Variants in PLPBP observed in about 807,000 individuals in gnomAD.
PLPBP encodes the protein pyridoxal phosphate homeostasis protein.
In PLPBP, 21 loss-of-function variants were observed where a neutral mutation model predicts 31.2. The observed-to-expected ratio is 0.67, with a 90% CI of 0.48 to 0.97. The LOEUF is 0.97. Among genes scored for constraint, PLPBP ranks in the 50% least tolerant of loss-of-function variants. PLPBP has a pLI of 0.00. For synonymous variants in PLPBP, 124 were observed against 135.6 expected (o/e 0.91, Z 0.59); for missense variants, 308 against 354.4 (o/e 0.87, Z 1.05).
Position 37,778,133 on chromosome 8 carries a change from G to T in PLPBP, c.*29G>T, listed in dbSNP as rs1243032411. The T allele has an allele frequency of 5.7e-5, 91 of 1,606,186 alleles. No homozygotes were observed. Among genetic ancestry groups the T allele is most frequent in the Non-Finnish European group, 7.6e-5 (89 of 1,174,986 alleles). On this transcript the variant is annotated 3_prime_UTR_variant, in exon 8 of 8. Coordinates refer to ENST00000328195, the MANE Select transcript of PLPBP (RefSeq NM_007198.4). Reference sequence around the variant, plus strand: ...AGGGAATACTGAGAGCACTAACTATGCACTAACCTAGATTTTCATTTCGAT... The same window carrying T: ...AGGGAATACTGAGAGCACTAACTATTCACTAACCTAGATTTTCATTTCGAT...
intron 4 of PLPBP, among the ~76,000 whole-genome samples, chr8:37,769,302 C>G (rs148781632): frequency 1.3e-3 from 199 of 152,034 alleles, no homozygotes; most frequent in African/African-American, 4.3e-3. Flanking sequence ...TGCCACTGCA[C>G]TCCAGCCTGG....
chr8:37,763,492 GTCTT>G (rs1294177388), intron 1 of PLPBP, among the ~76,000 whole-genome samples: 1 of 152,146 alleles, frequency 6.6e-6, no homozygotes, highest in Non-Finnish European at 1.5e-5. Flanking sequence ...CTGTATTATA[GTCTT>G]TCTTTGACTA....
intron 5 of PLPBP, among the ~76,000 whole-genome samples, chr8:37,773,666 G>A (rs879342424): frequency 3.3e-5 from 5 of 150,246 alleles, no homozygotes; most frequent in Non-Finnish European, 7.4e-5. Context: ...ACGGAGTTTC[G>A]CCATATTGGT....
rs568414778 is a variant in PLPBP, at chr8:37,762,675, A to G, written c.16A>G (p.Ser6Gly). 8.8e-6 allele frequency: 14 copies of G among 1,586,592 alleles called. No individual in the cohort carries two copies. Among genetic ancestry groups the G allele is most frequent in the South Asian group, 6.9e-5 (6 of 87,502 alleles). The change falls in exon 1 of 8, where the codon AGC becomes GGC. Residue 6 changes from serine (S) to glycine (G), a missense_variant. This residue lies in a region of PLPBP where 120 missense variants were observed against 95.1 expected (regional missense o/e 1.26). Coordinates refer to ENST00000328195, the MANE Select transcript of PLPBP (RefSeq NM_007198.4). The part of the protein sequence containing the change: MWRAG[S>G]MSAELGVGCA... The stretch of plus-strand genomic sequence containing the variant: ...TCCCCGGGGGATGTGGAGAGCTGGC[A>G]GCATGTCGGCCGAGCTGGGAGTCGG...
intron 7 of PLPBP, among the ~76,000 whole-genome samples, chr8:37,776,489 A>AAAAAAAAAAAAAAAAAAAAAG: frequency 6.7e-6 from 1 of 149,914 alleles, no homozygotes; most frequent in South Asian, 2.1e-4. Context: ...AAAAAAAAAA[A>AAAAAAAAAAAAAAAAAAAAAG]AAAAAAAAAA....
Position 37,778,249 on chromosome 8 carries a change from T to G in PLPBP, c.*145T>G. The G allele has an allele frequency of 9.7e-7, 1 of 1,030,376 alleles. No individual in the cohort carries two copies. 63.8% of individuals were successfully genotyped at this position (1,030,376 alleles called of 1,614,324 possible). A position where few individuals can be genotyped will look rare whatever the true frequency, so the allele number is the denominator to read the frequency against. On this transcript the variant is annotated 3_prime_UTR_variant, in exon 8 of 8. Coordinates refer to ENST00000328195, the MANE Select transcript of PLPBP (RefSeq NM_007198.4). ...GTTGATGGAAACCATCTGTGCTTAG[T>G]CTCTGACATAGGAAGCTTGCTTCAG...
rs1803974905 is a variant in PLPBP at position 37,778,425 on chromosome 8, A to G, written c.*321A>G. 1 of 170,472 alleles carries G rather than the reference A, an allele frequency of 5.9e-6. No homozygotes were observed. Among genetic ancestry groups the G allele is most frequent in the South Asian group, 1.6e-4 (1 of 6,344 alleles). 10.6% of individuals were successfully genotyped at this position (170,472 alleles called of 1,614,324 possible). A position where few individuals can be genotyped will look rare whatever the true frequency, so the allele number is the denominator to read the frequency against. On this transcript the variant is annotated 3_prime_UTR_variant, in exon 8 of 8. Transcript: ENST00000328195. Reference sequence around the variant, plus strand: ...TTTCCAGGTTAAAATTTGGTCACTGATGCCTATAATCGTGGAAGTCAGAGG... The same window carrying G: ...TTTCCAGGTTAAAATTTGGTCACTGGTGCCTATAATCGTGGAAGTCAGAGG...
intron 3 of PLPBP, among the ~76,000 whole-genome samples, chr8:37,766,061 G>A (rs1047595662): frequency 5.9e-5 from 9 of 152,150 alleles, no homozygotes; most frequent in Non-Finnish European, 8.8e-5. Context: ...TCTGAAAGAT[G>A]GAGGGAATTG....
intron 5 of PLPBP, among the ~76,000 whole-genome samples, chr8:37,773,784 C>T (rs983486277): frequency 6.6e-5 from 10 of 151,910 alleles, no homozygotes; most frequent in Non-Finnish European, 1.0e-4. Context: ...TTGTGTCTTT[C>T]ATCTGGAAAC....
At chr8:37,776,038 T>C in intron 7 of PLPBP, 22 bp downstream of exon 7, 1 of 1,601,494 alleles carries the variant, frequency 6.2e-7, no homozygotes, top group Non-Finnish European at 8.5e-7. Context: ...GCCAGTGCCC[T>C]GTCTGCCTCG....
intron 4 of PLPBP, among the ~76,000 whole-genome samples, chr8:37,770,579 T>C (rs1309415725): frequency 6.6e-6 from 1 of 152,184 alleles, no homozygotes; most frequent in South Asian, 2.1e-4. Flanking sequence ...AAATTTTGTT[T>C]GTTTGTTTGT....
intron 4 of PLPBP, 61 bp downstream of exon 4, chr8:37,766,416 T>C: frequency 6.7e-7 from 1 of 1,502,962 alleles, no homozygotes; most frequent in South Asian, 1.2e-5. Flanking sequence ...TCTACTACCC[T>C]TTGTGGAAGA....
chr8:37,775,539 A>G (rs1276548860), intron 6 of PLPBP, 58 bp downstream of exon 6: 2 of 1,606,696 alleles, frequency 1.2e-6, no homozygotes, highest in African/African-American at 1.3e-5. Context: ...CTGGAGTGCT[A>G]TTGCAGGGCT....
In PLPBP at chr8:37,765,510, C is replaced by G; in HGVS notation, c.100-16C>G. On this transcript the variant is annotated splice_polypyrimidine_tract_variant and intron_variant, in intron 1 of 7. Coordinates refer to ENST00000328195, the MANE Select transcript of PLPBP (RefSeq NM_007198.4). ...TTCCCAAACATTCACTCATATGGCT[C>G]TTTCCCTCTTGGCAGGATCTCCCAG... The G allele has an allele frequency of 6.2e-7, 1 of 1,610,826 alleles. No individual in the cohort carries two copies. Among genetic ancestry groups the G allele is most frequent in the Non-Finnish European group, 8.5e-7 (1 of 1,177,702 alleles).
Position 37,772,823 on chromosome 8 carries a change from T to C in PLPBP, c.388T>C (p.Trp130Arg). The C allele has an allele frequency of 6.2e-7, 1 of 1,614,194 alleles. No homozygotes were observed. Among genetic ancestry groups the C allele is most frequent in the East Asian group, 2.2e-5 (1 of 44,866 alleles). Residue 130 changes from tryptophan (W) to arginine (R), a missense_variant, in exon 5 of 8, where the codon TGG becomes CGG. Around this residue, in one of 2 missense-constraint regions of PLPBP, gnomAD observed 188 missense variants for 259.3 expected, o/e 0.73. Coordinates refer to ENST00000328195, the MANE Select transcript of PLPBP (RefSeq NM_007198.4). ...GTTGGCAGACAAAGTGAACAGTTCC[T>C]GGCAGAGAAAAGGTTCTCCTGAAAG... ...VKLADKVNSS[W>R]QRKGSPERLK...
At position 37,778,230 on chromosome 8, in the gene PLPBP, G is replaced by A. The variant is rs1431733027; in HGVS notation, c.*126G>A. Reference sequence around the variant, plus strand: ...AGCACTAATGATCACGTGTGTTGATGGAAACCATCTGTGCTTAGTCTCTGA... The same window carrying A: ...AGCACTAATGATCACGTGTGTTGATAGAAACCATCTGTGCTTAGTCTCTGA... On this transcript the variant is annotated 3_prime_UTR_variant, in exon 8 of 8. Coordinates refer to ENST00000328195, the MANE Select transcript of PLPBP (RefSeq NM_007198.4). The A allele has an allele frequency of 8.3e-6, 10 of 1,206,144 alleles. No individual in the cohort carries two copies. The highest frequency in any genetic ancestry group is 2.5e-5 in the Admixed American group (1 of 40,556). 74.7% of individuals were successfully genotyped at this position (1,206,144 alleles called of 1,614,324 possible).
rs1803970897 is a variant in PLPBP, at chr8:37,778,244, C to A, written c.*140C>A. 1 of 1,086,160 alleles carries A rather than the reference C, an allele frequency of 9.2e-7. No individual in the cohort carries two copies. Among genetic ancestry groups the A allele is most frequent in the Non-Finnish European group, 1.3e-6 (1 of 785,376 alleles). The allele number at this position is 1,086,160 out of a possible 1,614,324, so 67.3% of individuals were successfully genotyped here. A position where few individuals can be genotyped will look rare whatever the true frequency, so the allele number is the denominator to read the frequency against. On this transcript the variant is annotated 3_prime_UTR_variant, in exon 8 of 8. Coordinates refer to ENST00000328195, the MANE Select transcript of PLPBP (RefSeq NM_007198.4). ...CGTGTGTTGATGGAAACCATCTGTG[C>A]TTAGTCTCTGACATAGGAAGCTTGC... is the stretch of plus-strand genomic sequence containing the variant.
At chr8:37,775,570 A>G (rs1585940301) in intron 6 of PLPBP, 89 bp downstream of exon 6, 13 of 1,547,888 alleles carry the variant, frequency 8.4e-6, no homozygotes, top group Non-Finnish European at 1.1e-5. Flanking sequence ...GGGATTGCAG[A>G]GTCATCCCAG....
chr8:37,775,140 T>G (rs1803867513), intron 5 of PLPBP, 199 bp from the exon 6 acceptor site: 7 of 478,404 alleles, frequency 1.5e-5, no homozygotes, highest in Non-Finnish European at 2.2e-5. Flanking sequence ...GTTCTTTTCT[T>G]GAGAAATTTA....
Sources: gnomAD v4.1 joint callset for allele counts (sites outside exome capture counted in the v4.1 genomes callset) on GRCh38, gnomAD v4.1.1 for gene constraint, gnomAD v4.1.1 regional missense constraint, MANE v1.5 for transcripts, NCBI Gene and HGNC (gene_info 2026-07-23, HGNC 2026-07-21) for gene names.